SGF29: variants seen among roughly 807,000 people sequenced by gnomAD.
SGF29 encodes the protein SAGA-associated factor 29.
SGF29 carries 15 observed loss-of-function variants against 38.1 expected under a neutral mutation model. The ratio of observed to expected loss-of-function variants is 0.39; its 90% confidence interval spans 0.26 to 0.61. The LOEUF (loss-of-function observed/expected upper bound fraction) is 0.61. SGF29 is among the 20% of genes least tolerant of loss of function. The pLI, the probability that SGF29 is intolerant of heterozygous loss-of-function variation, is 0.49. For missense variants in SGF29, 184 were observed against 394.6 expected (o/e 0.47, Z 4.52); for synonymous variants, 151 against 160.8 (o/e 0.94, Z 0.46).
At position 28,590,231 on chromosome 16, in the gene SGF29, G is replaced by T; in HGVS notation, c.419+6G>T. The T allele has an allele frequency of 6.2e-7, 1 of 1,610,302 alleles. No homozygotes were observed. Among genetic ancestry groups the T allele is most frequent in the Admixed American group, 1.7e-5 (1 of 59,290 alleles). On this transcript the variant is annotated splice_donor_region_variant and intron_variant, in intron 6 of 9. Coordinates refer to ENST00000317058, the MANE Select transcript of SGF29 (RefSeq NM_138414.3). The surrounding 1 kb of genome is among the most constrained non-coding windows in gnomAD (Gnocchi z 8.2). ...ATCGGGAAGCCTGGTGACAAGTGAGGGCAGCAGCTGCGAGGGAGGGGCTGG... is the reference window on the plus strand; with the variant it reads ...ATCGGGAAGCCTGGTGACAAGTGAGTGCAGCAGCTGCGAGGGAGGGGCTGG...
chr16:28,587,352 CT>C lies in SGF29; in HGVS notation c.224+1633del, dbSNP rs2046961228. Among the ~76,000 whole-genome samples the C allele has an allele frequency of 2.0e-5, 3 of 152,354 alleles. No individual in the cohort carries two copies. The South Asian group carries it at 6.2e-4, about 32-fold the overall frequency. On this transcript the variant is annotated intron_variant, in intron 4 of 9. Coordinates refer to ENST00000317058, the MANE Select transcript of SGF29 (RefSeq NM_138414.3). ...GTCACAGAAGACAGTTTAGGACAGG[CT>C]GTATAAAACTGTATCCTCCACACAG... is the stretch of plus-strand genomic sequence containing the variant.
intron 1 of SGF29, among the ~76,000 whole-genome samples, chr16:28,573,281 G>T (rs747926892): frequency 6.6e-6 from 1 of 152,128 alleles, no homozygotes; most frequent in Non-Finnish European, 1.5e-5. Flanking sequence ...GTGGGTGGCC[G>T]GCGAACTGCC....
At chr16:28,570,894 A>G (rs2046861129) in intron 1 of SGF29, among the ~76,000 whole-genome samples, 1 of 151,950 alleles carries the variant, frequency 6.6e-6, no homozygotes, top group Admixed American at 6.6e-5. Flanking sequence ...TCTGATTTAG[A>G]TGATAGATGA....
chr16:28,561,916 C>A (rs1343942256), intron 1 of SGF29, among the ~76,000 whole-genome samples: 1 of 152,200 alleles, frequency 6.6e-6, no homozygotes. Flanking sequence ...TCACAGAAAC[C>A]TTTGCTTCTA....
At chr16:28,574,553 C>T (rs1274679496) in intron 1 of SGF29, among the ~76,000 whole-genome samples, 1 of 152,196 alleles carries the variant, frequency 6.6e-6, no homozygotes, top group African/African-American at 2.4e-5. Context: ...CTCTCCCTGG[C>T]ACCTAGTGGG....
At chr16:28,563,860 GCAGGTGTTCCTGAGTAGCTGGGACTA>G in intron 1 of SGF29, among the ~76,000 whole-genome samples, 1 of 151,556 alleles carries the variant, frequency 6.6e-6, no homozygotes, top group South Asian at 2.1e-4. Context: ...AGCTGGGACT[GCAGGTGTTCCTGAGTAGCTGGGACTA>G]CAGGCGCACA....
intron 1 of SGF29, among the ~76,000 whole-genome samples, chr16:28,558,955 T>C (rs1409390525): frequency 6.6e-6 from 1 of 152,196 alleles, no homozygotes; most frequent in Non-Finnish European, 1.5e-5. Flanking sequence ...GTGAAAATGT[T>C]CTAAAATTAG....
rs763126359 is a variant in SGF29 at position 28,591,625 on chromosome 16, C to G, written c.801C>G (p.Thr267=). 4.3e-6 allele frequency: 7 copies of G among 1,613,982 alleles called. No homozygotes were observed. Among genetic ancestry groups the G allele is most frequent in the African/African-American group, 4.0e-5 (3 of 74,916 alleles). The change falls in exon 10 of 10, where the codon ACC becomes ACG. Residue 267 remains threonine (T), a synonymous_variant. Coordinates refer to ENST00000317058, the MANE Select transcript of SGF29 (RefSeq NM_138414.3). ...ACTACTCGGTCCTGTTTGAAGACACCTCCTATGCAGATGGCTATTCCCCTC... is the reference window on the plus strand; with the variant it reads ...ACTACTCGGTCCTGTTTGAAGACACGTCCTATGCAGATGGCTATTCCCCTC... The part of the protein sequence containing the change: ...QDDYSVLFED[T]SYADGYSPPL...
chr16:28,581,918 C>CAAA (rs201203626), intron 2 of SGF29, among the ~76,000 whole-genome samples: 1 of 137,246 alleles, frequency 7.3e-6, no homozygotes. Flanking sequence ...GACTCCATCT[C>CAAA]AAAAAAAAAA....
In SGF29 at chr16:28,585,703, T is replaced by C. The variant is rs1267183412; in HGVS notation, c.207T>C (p.Asp69=). The change falls in exon 4 of 10, where the codon GAT becomes GAC. Residue 69 remains aspartate, a synonymous_variant. Coordinates refer to ENST00000317058, the MANE Select transcript of SGF29 (RefSeq NM_138414.3). ...GCCTCTACACAACCGCCAAGGCCGA[T>C]GCAGAGGCTGAGTGCAAGTGAGTAC... ...LRGLYTTAKA[D]AEAECNILRK... 6.8e-6 allele frequency: 11 copies of C among 1,614,086 alleles called. No homozygotes were observed. Among genetic ancestry groups the C allele is most frequent in the East Asian group, 2.2e-5 (1 of 44,888 alleles).
chr16:28,565,268 A>G (rs1306217681), intron 1 of SGF29, among the ~76,000 whole-genome samples: 1 of 152,076 alleles, frequency 6.6e-6, no homozygotes, highest in Non-Finnish European at 1.5e-5. Context: ...ACCCTCACAG[A>G]CACACCCAGG....
At chr16:28,555,993 C>G (rs981162664) in intron 1 of SGF29, among the ~76,000 whole-genome samples, 2 of 152,148 alleles carry the variant, frequency 1.3e-5, no homozygotes, top group African/African-American at 2.4e-5. Flanking sequence ...AGTTACCTAG[C>G]ATAACCTATC....
chr16:28,564,711 A>ATATATG, intron 1 of SGF29, among the ~76,000 whole-genome samples: 1 of 93,338 alleles, frequency 1.1e-5, no homozygotes, highest in Non-Finnish European at 2.2e-5. Context: ...ATATATACAT[A>ATATATG]TATATGTATA....
chr16:28,561,619 C>A (rs1400781827), intron 1 of SGF29, among the ~76,000 whole-genome samples: 3 of 152,156 alleles, frequency 2.0e-5, no homozygotes, highest in African/African-American at 7.2e-5. Flanking sequence ...GGAACACGAG[C>A]ATGCTAGGAG....
Position 28,588,860 on chromosome 16 carries a change from C to T in SGF29, c.225-240C>T, listed in dbSNP as rs188072086. ...TGCTGGGATTACAGGCGTGAACCAC[C>T]ACACCCGGGCAGATTTCTAGTTTCA... On this transcript the variant is annotated intron_variant, in intron 4 of 9. Transcript: ENST00000317058. 2.1e-5 allele frequency among the ~76,000 whole-genome samples: 3 copies of T among 144,728 alleles called. No individual in the cohort carries two copies. In the Admixed American group the frequency reaches 2.1e-4, roughly 10 times the overall value. The allele number at this position is 144,728 out of a possible 152,430, so 94.9% of individuals were successfully genotyped here.
chr16:28,571,840 A>G (rs963171639), intron 1 of SGF29, among the ~76,000 whole-genome samples: 49 of 152,144 alleles, frequency 3.2e-4, no homozygotes, highest in African/African-American at 1.1e-3. Context: ...AGTGCCTGCT[A>G]AGTCCCTGAC....
intron 3 of SGF29, chr16:28,585,288 C>T: frequency 2.0e-6 from 1 of 510,310 alleles, no homozygotes; most frequent in Non-Finnish European, 3.5e-6. Context: ...CCCAGGCGGC[C>T]CCTGCATCTG....
intron 4 of SGF29, chr16:28,588,717 C>T: frequency 2.7e-6 from 1 of 374,548 alleles, no homozygotes; most frequent in Non-Finnish European, 5.2e-6. Flanking sequence ...GTTAAAGACG[C>T]TCGCCACCAC....
intron 1 of SGF29, among the ~76,000 whole-genome samples, chr16:28,568,312 T>TCAAAAAAAAAAAAAAA (rs2046845781): frequency 3.2e-5 from 1 of 30,780 alleles, no homozygotes; most frequent in African/African-American, 1.2e-4. Context: ...AAACTCCATC[T>TCAAAAAAAAAAAAAAA]CAAAAAAAAA....
Sources: gnomAD v4.1 joint callset for allele counts (sites outside exome capture counted in the v4.1 genomes callset) on GRCh38, gnomAD v4.1.1 for gene constraint, Gnocchi (gnomAD v3.1) non-coding constraint, MANE v1.5 for transcripts, NCBI Gene and HGNC (gene_info 2026-07-23, HGNC 2026-07-21) for gene names.